PTPRN2: variants seen among roughly 807,000 people sequenced by gnomAD.
The protein encoded by PTPRN2 is receptor-type tyrosine-protein phosphatase N2.
PTPRN2 carries 74 observed loss-of-function variants against 118.8 expected under a neutral mutation model. The ratio of observed to expected loss-of-function variants is 0.62; its 90% CI spans 0.52 to 0.76. PTPRN2 has a LOEUF of 0.76. Among genes scored for constraint, PTPRN2 ranks in the 30% least tolerant of loss-of-function variants. The pLI is 0.00. For missense variants in PTPRN2, 1,481 were observed against 1,394.4 expected, an observed-to-expected ratio of 1.06 and a Z score of -0.99; for synonymous variants, 641 against 608.0, an observed-to-expected ratio of 1.05 and a Z score of -0.80.
At chr7:157,961,532 CAA>C (rs66472051) in intron 11 of PTPRN2, among the ~76,000 whole-genome samples, 153 of 131,048 alleles carry the variant, frequency 1.2e-3, no homozygotes, top group Middle Eastern at 4.0e-3. Context: ...GACTCTGTCT[CAA>C]AAAAAAAAAA....
At chr7:157,797,881 C>A (rs1804970452) in intron 12 of PTPRN2, among the ~76,000 whole-genome samples, 1 of 152,240 alleles carries the variant, frequency 6.6e-6, no homozygotes, top group African/African-American at 2.4e-5. Flanking sequence ...CCTCCAGAGG[C>A]CCCGCAGCTC....
At chr7:158,337,359 TCCC>T (rs1805828015) in intron 2 of PTPRN2, among the ~76,000 whole-genome samples, 4 of 85,420 alleles carry the variant, frequency 4.7e-5, no homozygotes, top group Non-Finnish European at 1.1e-4. Context: ...CCTGCAGACG[TCCC>T]TCACACCCAC....
intron 2 of PTPRN2, among the ~76,000 whole-genome samples, chr7:158,474,997 C>G (rs1935315049): frequency 6.6e-6 from 1 of 152,060 alleles, no homozygotes; most frequent in Admixed American, 6.5e-5. Flanking sequence ...CCCTGAGGAG[C>G]CTGGTGGTCC....
At chr7:158,320,689 CAAT>C (rs139764262) in intron 2 of PTPRN2, among the ~76,000 whole-genome samples, 1,605 of 152,280 alleles carry the variant, frequency 0.011, 16 homozygotes, top group Non-Finnish European at 0.017. Context: ...CATTTTTCAA[CAAT>C]GATATTCATC....
Position 158,521,448 on chromosome 7 carries a change from A to G in PTPRN2, c.113-31663T>C, listed in dbSNP as rs188521695. 2.3e-3 allele frequency among the ~76,000 whole-genome samples: 344 copies of G among 152,376 alleles called. 1 individual carries two copies. The highest frequency in any genetic ancestry group is 4.2e-3 in the Admixed American group (64 of 15,302). ...TTAACAATGAGGAAATCTATTAGTA[A>G]TCAGCAAGATGCTGAAGCAGTAACT... On this transcript the variant is annotated intron_variant, in intron 1 of 22. Transcript: ENST00000389418.
intron 12 of PTPRN2, among the ~76,000 whole-genome samples, chr7:157,711,937 GGGGGGA>G (rs1563026418): frequency 1.5e-5 from 1 of 65,528 alleles, no homozygotes; most frequent in East Asian, 2.7e-4. Flanking sequence ...CCACATGAGT[GGGGGGA>G]GGGGCTGCGT....
At chr7:157,950,374 A>ATG (rs1800731458) in intron 11 of PTPRN2, among the ~76,000 whole-genome samples, 2 of 151,848 alleles carry the variant, frequency 1.3e-5, no homozygotes, top group Admixed American at 6.6e-5. Flanking sequence ...GTTCAGATGC[A>ATG]TAATGGGTTA....
chr7:158,105,828 A>G (rs1815638762), intron 10 of PTPRN2, among the ~76,000 whole-genome samples: 2 of 151,692 alleles, frequency 1.3e-5, no homozygotes, highest in Admixed American at 1.3e-4. Context: ...ATCTTACGCC[A>G]TGCAGCCCCA....
rs1379566182 is a variant in PTPRN2 at position 158,166,967 on chromosome 7, G to A, written c.874C>T (p.Leu292=). 1 of 1,452,702 alleles carries A rather than the reference G, an allele frequency of 6.9e-7. No individual in the cohort carries two copies. The highest frequency in any genetic ancestry group is 2.8e-5 in the Admixed American group (1 of 35,722). 90.0% of individuals were successfully genotyped at this position (1,452,702 alleles called of 1,614,324 possible). A position where few individuals can be genotyped will look rare whatever the true frequency, so the allele number is the denominator to read the frequency against. The change falls in exon 6 of 23, where the codon CTG becomes TTG. Residue 292 remains leucine (L), a synonymous_variant. Transcript: ENST00000389418. ...CTGGAGGGGTCTTCGGAATCTCCCA[G>A]AGGTGAAGGCCACTTCTGGGGGGCG... The part of the protein sequence containing the change: ...PAAPQKWPSP[L]GDSEDPSSTG...
At chr7:158,365,243 G>A (rs571675671) in intron 2 of PTPRN2, among the ~76,000 whole-genome samples, 66 of 152,346 alleles carry the variant, frequency 4.3e-4, no homozygotes, top group African/African-American at 1.5e-3. Context: ...TCTCCATCGC[G>A]TTGGACGGTC....
rs939834182 is a variant in PTPRN2, at chr7:157,953,875, C to T, written c.1724-55138G>A. On this transcript the variant is annotated intron_variant, in intron 11 of 22. Transcript: ENST00000389418. This position sits in a 1 kb window ranked among gnomAD's most constrained non-coding sequence, Gnocchi z 4.6. ...CAAATCCGCATTTCGAAGCAGAAATCGCTGGTTTAAATATTCTCTCCTTTC... is the reference window on the plus strand; with the variant it reads ...CAAATCCGCATTTCGAAGCAGAAATTGCTGGTTTAAATATTCTCTCCTTTC... 6.6e-6 allele frequency among the ~76,000 whole-genome samples: 1 copy of T among 152,082 alleles called. No individual in the cohort carries two copies. Among genetic ancestry groups the T allele is most frequent in the East Asian group, 1.9e-4 (1 of 5,184 alleles).
chr7:158,191,410 G>A (rs957242667), intron 5 of PTPRN2, among the ~76,000 whole-genome samples: 16 of 152,016 alleles, frequency 1.1e-4, no homozygotes, highest in East Asian at 1.9e-4. Context: ...GTGTGTGAGC[G>A]TCGCCATCAA....
rs899408226 is a variant in PTPRN2 at position 157,974,908 on chromosome 7, G to C, written c.1724-76171C>G. 6.6e-6 allele frequency among the ~76,000 whole-genome samples: 1 copy of C among 152,104 alleles called. No homozygotes were observed. The highest frequency in any genetic ancestry group is 1.5e-5 in the Non-Finnish European group (1 of 67,998). On this transcript the variant is annotated intron_variant, in intron 11 of 22. Transcript: ENST00000389418. The surrounding 1 kb of genome is among the most constrained non-coding windows in gnomAD (Gnocchi z 4.0). ...CCTCAGGCATGTTCACCATCATGGC[G>C]CACATGTCTGGGAGTGAGCAGAGGA...
At chr7:158,336,988 A>C (rs1387338182) in intron 2 of PTPRN2, among the ~76,000 whole-genome samples, 1 of 75,036 alleles carries the variant, frequency 1.3e-5, no homozygotes, top group African/African-American at 3.9e-5. Context: ...ATGCCCGCAG[A>C]CGTCACTCAC....
At chr7:158,361,918 C>T (rs1194184610) in intron 2 of PTPRN2, among the ~76,000 whole-genome samples, 3 of 152,310 alleles carry the variant, frequency 2.0e-5, no homozygotes, top group African/African-American at 7.2e-5. Context: ...CAGCTCTTCC[C>T]GCTGAGCCTG....
At chr7:158,244,653 G>T (rs200245858) in intron 3 of PTPRN2, among the ~76,000 whole-genome samples, 1 of 103,608 alleles carries the variant, frequency 9.7e-6, no homozygotes, top group Non-Finnish European at 1.9e-5. Flanking sequence ...TGATTGTTTT[G>T]TGTGTCAGTT....
At chr7:157,554,907 C>T (rs376014363) in intron 21 of PTPRN2, among the ~76,000 whole-genome samples, 4 of 152,326 alleles carry the variant, frequency 2.6e-5, no homozygotes, top group East Asian at 1.9e-4. Context: ...TTCGAGTTGT[C>T]CATGTCGGGA....
chr7:158,482,763 G>A (rs1354387798), intron 2 of PTPRN2, among the ~76,000 whole-genome samples: 1 of 152,122 alleles, frequency 6.6e-6, no homozygotes, highest in Non-Finnish European at 1.5e-5. Flanking sequence ...TCACAAATGA[G>A]CCCATTCACT....
In PTPRN2 at chr7:157,779,344, T is replaced by C. The variant is rs981917771; in HGVS notation, c.1789-96407A>G. 1.3e-5 allele frequency among the ~76,000 whole-genome samples: 2 copies of C among 152,180 alleles called. No homozygotes were observed. The highest frequency in any genetic ancestry group is 2.9e-5 in the Non-Finnish European group (2 of 68,028). Reference sequence around the variant, plus strand: ...TGACCTGAGGTGAAAGGTCACGTGCTGGTCGCTTGTGCTGAGCAAGGCCTT... The same window carrying C: ...TGACCTGAGGTGAAAGGTCACGTGCCGGTCGCTTGTGCTGAGCAAGGCCTT... On this transcript the variant is annotated intron_variant, in intron 12 of 22. Coordinates refer to ENST00000389418, the MANE Select transcript of PTPRN2 (RefSeq NM_002847.5). This position sits in a 1 kb window ranked among gnomAD's most constrained non-coding sequence, Gnocchi z 4.7.
Sources: allele counts gnomAD v4.1 joint callset (sites outside exome capture counted in the v4.1 genomes callset), GRCh38; gene constraint gnomAD v4.1.1; non-coding constraint Gnocchi (gnomAD v3.1); transcripts MANE v1.5; gene names NCBI Gene and HGNC (gene_info 2026-07-23, HGNC 2026-07-21).